Variants in RAB40B observed in about 807,000 individuals in gnomAD.
The protein encoded by RAB40B is RAB40B, member RAS oncogene family, also known as ras-related protein Rab-40B.
RAB40B carries 21 observed loss-of-function variants against 24.0 expected under a neutral mutation model. The ratio of observed to expected loss-of-function variants is 0.88; its 90% confidence interval spans 0.62 to 1.26. The LOEUF is 1.26. Ranked by LOEUF, RAB40B falls within the 50% of genes most tolerant of loss-of-function variation. The pLI is 0.00. For synonymous variants in RAB40B, 167 were observed against 169.8 expected, an observed-to-expected ratio of 0.98 and a Z score of 0.13; for missense variants, 348 against 390.5, an observed-to-expected ratio of 0.89 and a Z score of 0.92.
chr17:82,663,082 C>T lies in RAB40B; in HGVS notation c.203+1414G>A, dbSNP rs535030175. ...GGGTGGGGAGCAGGACAGGGGCTGACGGCAACCCCAACGCCAGCCCAGCGA... is the reference window on the plus strand; with the variant it reads ...GGGTGGGGAGCAGGACAGGGGCTGATGGCAACCCCAACGCCAGCCCAGCGA... On this transcript the variant is annotated intron_variant, in intron 2 of 5. Transcript: ENST00000571995. This position sits in a 1 kb window ranked among gnomAD's most constrained non-coding sequence, Gnocchi z 6.2. Among the ~76,000 whole-genome samples the T allele has an allele frequency of 1.1e-4, 16 of 152,194 alleles. No individual in the cohort carries two copies. The highest frequency in any genetic ancestry group is 4.2e-4 in the South Asian group (2 of 4,812).
rs2046628993 is a variant in RAB40B, at chr17:82,697,999, G to A, written c.142+456C>T. On this transcript the variant is annotated intron_variant, in intron 1 of 5. Transcript: ENST00000571995. This position sits in a 1 kb window ranked among gnomAD's most constrained non-coding sequence, Gnocchi z 4.9. ...CTGCTCGCCGCGCTCCGCCCCAGGA[G>A]CCCCGGAGCTCGCGTCCCCTCCCGC... Among the ~76,000 whole-genome samples the A allele has an allele frequency of 6.6e-6, 1 of 151,802 alleles. No individual in the cohort carries two copies. The highest frequency in any genetic ancestry group is 2.4e-5 in the African/African-American group (1 of 41,284).
intron 1 of RAB40B, among the ~76,000 whole-genome samples, chr17:82,678,878 C>T (rs1290657541): frequency 1.5e-4 from 14 of 91,494 alleles, no homozygotes; most frequent in Non-Finnish European, 2.3e-4. Flanking sequence ...TCCCTTTCTG[C>T]GTTTTTTTTT....
chr17:82,674,427 C>G (rs1285638153), intron 1 of RAB40B, among the ~76,000 whole-genome samples: 3 of 146,810 alleles, frequency 2.0e-5, no homozygotes, highest in South Asian at 4.3e-4. Context: ...GTCAGGAGTT[C>G]GAGACCATCC....
rs2306912 is a variant in RAB40B at position 82,655,768 on chromosome 17, C to T, written c.*2095G>A. 0.22 allele frequency: 32,820 copies of T among 152,154 alleles called. 3,839 individuals carry two copies. Among genetic ancestry groups the T allele is most frequent in the African/African-American group, 0.28 (11,591 of 41,428 alleles). 9.4% of individuals were successfully genotyped at this position (152,154 alleles called of 1,614,324 possible). A position where few individuals can be genotyped will look rare whatever the true frequency, so the allele number is the denominator to read the frequency against. On this transcript the variant is annotated 3_prime_UTR_variant, in exon 6 of 6. Coordinates refer to ENST00000571995, the MANE Select transcript of RAB40B (RefSeq NM_006822.3). The stretch of plus-strand genomic sequence containing the variant: ...CTGTCCCCTCAGGGTTCACCTTCTG[C>T]CCACAGACCACACCCCTGCCTCCCC...
In RAB40B at chr17:82,657,636, A is replaced by T; in HGVS notation, c.*227T>A. ...GTTACCAAGAGTCGAGCAGAGTACTAATTTTCCCTTTACAAACACACATCG... is the reference window on the plus strand; with the variant it reads ...GTTACCAAGAGTCGAGCAGAGTACTTATTTTCCCTTTACAAACACACATCG... On this transcript the variant is annotated 3_prime_UTR_variant, in exon 6 of 6. Transcript: ENST00000571995. The T allele has an allele frequency of 1.5e-6, 1 of 669,094 alleles. No homozygotes were observed. Among genetic ancestry groups the T allele is most frequent in the Non-Finnish European group, 2.8e-6 (1 of 363,000 alleles). The allele number at this position is 669,094 out of a possible 1,614,324, so 41.4% of individuals were successfully genotyped here.
chr17:82,698,390 C>G, intron 1 of RAB40B, 65 bp downstream of exon 1: 1 of 559,764 alleles, frequency 1.8e-6, no homozygotes, highest in Non-Finnish European at 2.4e-6. Context: ...CGCACCCCCT[C>G]CCCAGCCCCG....
intron 1 of RAB40B, among the ~76,000 whole-genome samples, chr17:82,671,348 C>T (rs111211192): frequency 4.8e-5 from 7 of 144,350 alleles, no homozygotes; most frequent in Non-Finnish European, 1.1e-4. Flanking sequence ...TGACACACCT[C>T]ACCCCTGTAA....
At chr17:82,684,815 G>C (rs922582094) in intron 1 of RAB40B, among the ~76,000 whole-genome samples, 1 of 152,074 alleles carries the variant, frequency 6.6e-6, no homozygotes, top group African/African-American at 2.4e-5. Flanking sequence ...CACTGTCTTT[G>C]TCAAAACTCA....
intron 1 of RAB40B, among the ~76,000 whole-genome samples, chr17:82,681,795 G>A (rs945697199): frequency 4.6e-5 from 7 of 152,048 alleles, no homozygotes; most frequent in African/African-American, 1.7e-4. Context: ...CATGATCTCA[G>A]TGAGGCAGCA....
At position 82,698,462 on chromosome 17, in the gene RAB40B, G is replaced by T; in HGVS notation, c.135C>A (p.His45Gln). The change falls in exon 1 of 6, where the codon CAC (histidine) becomes CAA (glutamine). Residue 45 changes from histidine (H) to glutamine (Q), a missense_variant. This residue lies in a region of RAB40B where 101 missense variants were observed against 85.5 expected (regional missense o/e 1.18). Transcript: ENST00000571995. ...CCCTCCGCCCGCGCTCACCCGCCGG[G>T]TGGCCGTACGGGGACTCGGCCGCGC... ...QDGAAESPYG[H>Q]PAGIDYKTTT... 1 of 1,467,426 alleles carries T rather than the reference G, an allele frequency of 6.8e-7. No individual in the cohort carries two copies. Among genetic ancestry groups the T allele is most frequent in the Non-Finnish European group, 9.1e-7 (1 of 1,098,340 alleles). 90.9% of individuals were successfully genotyped at this position (1,467,426 alleles called of 1,614,324 possible). A position where few individuals can be genotyped will look rare whatever the true frequency, so the allele number is the denominator to read the frequency against.
chr17:82,659,903 G>C, intron 3 of RAB40B: 1 of 511,724 alleles, frequency 2.0e-6, no homozygotes, highest in Non-Finnish European at 3.6e-6. Context: ...GCCACTCCAG[G>C]AACACAGGAT....
In RAB40B at chr17:82,667,967, G is replaced by A. The variant is rs1049150749; in HGVS notation, c.143-3411C>T. ...GGGGCACTGATGGGGCCTTTGGGAT[G>A]TTGCTCTTCCGGCTGGAAACCTCTG... On this transcript the variant is annotated intron_variant, in intron 1 of 5. Transcript: ENST00000571995. This position sits in a 1 kb window ranked among gnomAD's most constrained non-coding sequence, Gnocchi z 4.3. 2.0e-5 allele frequency among the ~76,000 whole-genome samples: 3 copies of A among 152,148 alleles called. No individual in the cohort carries two copies. Among genetic ancestry groups the A allele is most frequent in the Admixed American group, 2.0e-4 (3 of 15,268 alleles).
In RAB40B at chr17:82,692,764, A is replaced by G. The variant is rs2046571800; in HGVS notation, c.142+5691T>C. Among the ~76,000 whole-genome samples the G allele has an allele frequency of 6.6e-6, 1 of 152,218 alleles. No individual in the cohort carries two copies. The highest frequency in any genetic ancestry group is 2.4e-5 in the African/African-American group (1 of 41,452). On this transcript the variant is annotated intron_variant, in intron 1 of 5. Coordinates refer to ENST00000571995, the MANE Select transcript of RAB40B (RefSeq NM_006822.3). The surrounding 1 kb of genome is among the most constrained non-coding windows in gnomAD (Gnocchi z 4.0). Reference sequence around the variant, plus strand: ...TTCAACAGGACCCAAAGTCCTAACCACAAAACACTGATAATTTGGATTATG... The same window carrying G: ...TTCAACAGGACCCAAAGTCCTAACCGCAAAACACTGATAATTTGGATTATG...
rs761008455 is a variant in RAB40B, at chr17:82,657,845, TTTC to T, written c.*15_*17del. 5.0e-6 allele frequency: 8 copies of T among 1,611,694 alleles called. No individual in the cohort carries two copies. In the South Asian group the frequency reaches 8.8e-5, roughly 18 times the overall value. On this transcript the variant is annotated 3_prime_UTR_variant, in exon 6 of 6. Transcript: ENST00000571995. ...CTTCTCCTGGAGAGATTCCGCCGTG[TTTC>T]TTTCAGTGCCTTCCTTAAGAAATTT...
intron 1 of RAB40B, among the ~76,000 whole-genome samples, chr17:82,666,257 T>A (rs2046256306): frequency 6.6e-6 from 1 of 151,070 alleles, no homozygotes; most frequent in Non-Finnish European, 1.5e-5. Flanking sequence ...ACATTTTTTT[T>A]TTTTGAGATG....
At chr17:82,659,752 C>G (rs2046138460) in intron 3 of RAB40B, 95 bp from the exon 4 acceptor site, 2 of 918,196 alleles carry the variant, frequency 2.2e-6, no homozygotes, top group Non-Finnish European at 3.5e-6. Flanking sequence ...AACCACTTTC[C>G]TTATTTTAAC....
intron 1 of RAB40B, among the ~76,000 whole-genome samples, chr17:82,685,836 C>T (rs982519753): frequency 3.0e-4 from 45 of 151,576 alleles, no homozygotes; most frequent in African/African-American, 1.1e-3. Context: ...CGGAGTCTCG[C>T]CCTGTCACCC....
At chr17:82,660,833 C>A (rs1252615348) in intron 3 of RAB40B, among the ~76,000 whole-genome samples, 154 bp downstream of exon 3, 1 of 152,268 alleles carries the variant, frequency 6.6e-6, no homozygotes, top group East Asian at 1.9e-4. Context: ...CAACCAACCA[C>A]TCTACAGCAC....
Position 82,679,099 on chromosome 17 carries a change from A to G in RAB40B, c.143-14543T>C, listed in dbSNP as rs1432745693. On this transcript the variant is annotated intron_variant, in intron 1 of 5. Coordinates refer to ENST00000571995, the MANE Select transcript of RAB40B (RefSeq NM_006822.3). ...GGGGTTTCACCGTGTTAGCCAGGAT[A>G]GTCTCGATCTCCTGACCTCGTGATC... 4.0e-4 allele frequency among the ~76,000 whole-genome samples: 59 copies of G among 148,840 alleles called. 1 individual carries two copies. Among genetic ancestry groups the G allele is most frequent in the Non-Finnish European group, 7.9e-4 (53 of 67,168 alleles).
Sources: gnomAD v4.1 joint callset for allele counts (sites outside exome capture counted in the v4.1 genomes callset) on GRCh38, gnomAD v4.1.1 for gene constraint, gnomAD v4.1.1 regional missense constraint, Gnocchi (gnomAD v3.1) non-coding constraint, MANE v1.5 for transcripts, NCBI Gene and HGNC (gene_info 2026-07-23, HGNC 2026-07-21) for gene names.